Variants in ALAS1 observed in about 807,000 individuals in gnomAD.
The protein encoded by ALAS1 is 5-aminolevulinate synthase, non-specific, mitochondrial.
ALAS1 carries 29 observed loss-of-function variants against 59.6 expected under a neutral mutation model. That is an observed-to-expected ratio of 0.49 (90% CI 0.36 to 0.66). The LOEUF is 0.66. Ranked by LOEUF, ALAS1 falls within the 30% of genes least tolerant of loss-of-function variation. ALAS1 has a pLI of 0.00. For missense variants in ALAS1, 690 were observed against 807.5 expected, an observed-to-expected ratio of 0.85 and a Z score of 1.76; for synonymous variants, 299 against 296.6, an observed-to-expected ratio of 1.01 and a Z score of -0.08.
chr3:52,206,428 T>C, intron 7 of ALAS1, 144 bp from the exon 8 acceptor site: 1 of 926,516 alleles, frequency 1.1e-6, no homozygotes, highest in Non-Finnish European at 1.7e-6. Flanking sequence ...CTAGTTATTT[T>C]GCCAGGAAGA....
intron 11 of ALAS1, 80 bp from the exon 12 acceptor site, chr3:52,213,940 C>A: frequency 7.6e-7 from 1 of 1,323,792 alleles, no homozygotes; most frequent in Non-Finnish European, 1.0e-6. Context: ...CATTTGTGTA[C>A]AAGTTTTTGT....
In ALAS1 at chr3:52,206,663, T is replaced by G; in HGVS notation, c.1077T>G (p.Asn359Lys). Reference protein sequence around the residue: ...SRVPKYIFRHNDVSHLRELLQ... With the variant: ...SRVPKYIFRHKDVSHLRELLQ... ...TGCCAAAGTACATCTTCCGCCACAATGATGTCAGCCACCTCAGAGAACTGC... is the reference window on the plus strand; with the variant it reads ...TGCCAAAGTACATCTTCCGCCACAAGGATGTCAGCCACCTCAGAGAACTGC... The change falls in exon 8 of 12, where the codon AAT becomes AAG. Residue 359 changes from asparagine to lysine, a missense_variant. Coordinates refer to ENST00000484952, the MANE Select transcript of ALAS1 (RefSeq NM_000688.6). 2 of 1,614,172 alleles carry G rather than the reference T, an allele frequency of 1.2e-6. No homozygotes were observed. The highest frequency in any genetic ancestry group is 8.5e-7 in the Non-Finnish European group (1 of 1,180,032).
chr3:52,212,230 C>A, intron 10 of ALAS1, 28 bp from the exon 11 acceptor site: 1 of 1,604,972 alleles, frequency 6.2e-7, no homozygotes, highest in South Asian at 1.1e-5. Flanking sequence ...CCTGTTGTGA[C>A]CTTACCTTCT....
chr3:52,205,954 G>A lies in ALAS1; in HGVS notation c.916G>A (p.Ala306Thr), dbSNP rs140582251. The A allele has an allele frequency of 1.4e-4, 222 of 1,614,032 alleles. 1 individual carries two copies. In the Admixed American group the frequency reaches 3.1e-3, roughly 23 times the overall value. The part of the protein sequence containing the change: ...ELADLHGKDA[A>T]LLFSSCFVAN... ...GGCAGACCTCCATGGGAAAGATGCC[G>A]CACTCTTGTTTTCCTCGTGCTTTGT... The change falls in exon 7 of 12, where the codon GCA (alanine) becomes ACA (threonine). Residue 306 changes from alanine (A) to threonine (T), a missense_variant. By Grantham distance (58) the Ala-to-Thr change is moderately conservative. Transcript: ENST00000484952.
At position 52,205,998 on chromosome 3, in the gene ALAS1, C is replaced by T. The variant is rs555228065; in HGVS notation, c.960C>T (p.Leu320=). The T allele has an allele frequency of 5.0e-6, 8 of 1,611,928 alleles. No homozygotes were observed. Among genetic ancestry groups the T allele is most frequent in the South Asian group, 1.1e-5 (1 of 90,786 alleles). ...SSCFVANDST[L]FTLAKMMPGC... is the part of the protein sequence containing the mutation. ...GCTTTGTGGCCAATGACTCAACCCT[C>T]TTCACCCTGGCTAAGATGATGCCAG... The change falls in exon 7 of 12, where the codon CTC becomes CTT. Residue 320 remains leucine, a synonymous_variant. Coordinates refer to ENST00000484952, the MANE Select transcript of ALAS1 (RefSeq NM_000688.6).
rs775458397 is a variant in ALAS1, at chr3:52,206,720, T to G, written c.1134T>G (p.Ile378Met). 3 of 1,614,198 alleles carry G rather than the reference T, an allele frequency of 1.9e-6. No homozygotes were observed. Among genetic ancestry groups the G allele is most frequent in the East Asian group, 2.2e-5 (1 of 44,894 alleles). Reference protein sequence around the residue: ...LQRSDPSVPKIVAFETVHSMD... With the variant: ...LQRSDPSVPKMVAFETVHSMD... ...GATCTGACCCCTCAGTCCCCAAGAT[T>G]GTGGCATTTGAAACTGTCCATTCAA... is the stretch of plus-strand genomic sequence containing the variant. Residue 378 changes from isoleucine to methionine, a missense_variant, in exon 8 of 12, where the codon ATT becomes ATG. Transcript: ENST00000484952.
In ALAS1 at chr3:52,198,812, T is replaced by G; in HGVS notation, c.-69T>G. On this transcript the variant is annotated 5_prime_UTR_variant, in exon 2 of 12. Coordinates refer to ENST00000484952, the MANE Select transcript of ALAS1 (RefSeq NM_000688.6). ...AGTCAGGATCCCTAAGAGTCTTCCC[T>G]GCCTGGATGGATGAGTGGCTTCTTC... The G allele has an allele frequency of 6.5e-7, 1 of 1,535,700 alleles. No homozygotes were observed. Among genetic ancestry groups the G allele is most frequent in the Non-Finnish European group, 8.7e-7 (1 of 1,146,904 alleles).
At chr3:52,199,810 G>A (rs1699151748) in intron 3 of ALAS1, among the ~76,000 whole-genome samples, 1 of 151,994 alleles carries the variant, frequency 6.6e-6, no homozygotes, top group Admixed American at 6.6e-5. Context: ...TTTGGCCTTC[G>A]GCTTTTTATT....
At chr3:52,200,428 T>A (rs1298415633) in intron 3 of ALAS1, among the ~76,000 whole-genome samples, 1 of 152,210 alleles carries the variant, frequency 6.6e-6, no homozygotes, top group Non-Finnish European at 1.5e-5. Context: ...CAGTATTTAT[T>A]AGTGATTTTT....
chr3:52,212,635 G>C (rs761394856), intron 11 of ALAS1: 6 of 532,786 alleles, frequency 1.1e-5, no homozygotes, highest in Non-Finnish European at 2.0e-5. Flanking sequence ...AGGTTCAAGC[G>C]ATTCTCCTGC....
chr3:52,205,866 G>T lies in ALAS1; in HGVS notation c.828G>T (p.Gly276=). 1.2e-6 allele frequency: 2 copies of T among 1,613,846 alleles called. No individual in the cohort carries two copies. Among genetic ancestry groups the T allele is most frequent in the Non-Finnish European group, 1.7e-6 (2 of 1,179,860 alleles). ...ACACTTTGAAACAACATGGTGCTGGGGCAGGTGGTACTAGAAATATTTCTG... is the reference window on the plus strand; with the variant it reads ...ACACTTTGAAACAACATGGTGCTGGTGCAGGTGGTACTAGAAATATTTCTG... The part of the protein sequence containing the change: ...VMDTLKQHGA[G]AGGTRNISGT... The change falls in exon 7 of 12, where the codon GGG becomes GGT. Residue 276 remains glycine, a synonymous_variant. Coordinates refer to ENST00000484952, the MANE Select transcript of ALAS1 (RefSeq NM_000688.6).
In ALAS1 at chr3:52,204,829, C is replaced by T. The variant is rs769179705; in HGVS notation, c.714C>T (p.Ser238=). The change falls in exon 6 of 12, where the codon TCC becomes TCT. Residue 238 remains serine, a synonymous_variant. Transcript: ENST00000484952. ...IFPMADDYSD[S]LITKKQVSVW... is the part of the protein sequence containing the mutation. Reference sequence around the variant, plus strand: ...CCATGGCAGATGACTATTCAGACTCCCTCATCACCAAAAAGCAAGTGTCAG... The same window carrying T: ...CCATGGCAGATGACTATTCAGACTCTCTCATCACCAAAAAGCAAGTGTCAG... 10 of 1,614,074 alleles carry T rather than the reference C, an allele frequency of 6.2e-6. No individual in the cohort carries two copies. In the African/African-American group the frequency reaches 1.2e-4, roughly 19 times the overall value.
intron 1 of ALAS1, among the ~76,000 whole-genome samples, 166 bp from the exon 2 acceptor site, chr3:52,198,506 T>C (rs986895091): frequency 3.9e-5 from 6 of 152,126 alleles, no homozygotes; most frequent in African/African-American, 1.4e-4. Context: ...CCTCCCGTCA[T>C]TCTCGAGACC....
At chr3:52,209,336 T>C (rs535066749) in intron 9 of ALAS1, among the ~76,000 whole-genome samples, 18 of 152,256 alleles carry the variant, frequency 1.2e-4, no homozygotes, top group African/African-American at 3.1e-4. Context: ...GCCTCCCAAG[T>C]AGCTGGGACT....
chr3:52,213,949 G>A, intron 11 of ALAS1, 71 bp from the exon 12 acceptor site: 3 of 1,387,424 alleles, frequency 2.2e-6, no homozygotes, highest in Non-Finnish European at 3.0e-6. Flanking sequence ...ACAAGTTTTT[G>A]TGTGGACATA....
Position 52,212,416 on chromosome 3 carries a change from C to G in ALAS1, c.1758C>G (p.Phe586Leu), listed in dbSNP as rs1000521004. ...PHHTPQMMNY[F>L]LENLLVTWKQ... Reference sequence around the variant, plus strand: ...ACACACCCCAGATGATGAACTACTTCCTTGGTGAGTACCTGGGGAGCTGCT... The same window carrying G: ...ACACACCCCAGATGATGAACTACTTGCTTGGTGAGTACCTGGGGAGCTGCT... The change falls in exon 11 of 12, where the codon TTC (phenylalanine) becomes TTG (leucine). Residue 586 changes from phenylalanine (F) to leucine (L), a missense_variant. Coordinates refer to ENST00000484952, the MANE Select transcript of ALAS1 (RefSeq NM_000688.6). The G allele has an allele frequency of 1.2e-6, 2 of 1,613,846 alleles. No individual in the cohort carries two copies. The highest frequency in any genetic ancestry group is 1.7e-6 in the Non-Finnish European group (2 of 1,179,960).
At chr3:52,198,121 A>G (rs1036287840), upstream of ALAS1, 1 of 397,918 alleles carries the variant, frequency 2.5e-6, no homozygotes, top group Non-Finnish European at 4.4e-6. Context: ...CGCAGCGGTC[A>G]CTCCCGCTGT....
chr3:52,209,456 C>T (rs1699362035), intron 9 of ALAS1, among the ~76,000 whole-genome samples: 1 of 152,200 alleles, frequency 6.6e-6, no homozygotes, highest in Non-Finnish European at 1.5e-5. Flanking sequence ...ATCTGCCCGC[C>T]TCAGCCTCCC....
At position 52,198,173 on chromosome 3, in the gene ALAS1, A is replaced by G. The variant is rs962760891; in HGVS notation, c.-292A>G. On this transcript the variant is annotated 5_prime_UTR_variant, in exon 1 of 12. Coordinates refer to ENST00000484952, the MANE Select transcript of ALAS1 (RefSeq NM_000688.6). ...GATCGCGGCCTGAGGCTGCTCCCGG[A>G]CAAGGGCAACGAGCGTTTCGTTTGG... The G allele has an allele frequency of 2.8e-5, 11 of 398,486 alleles. No individual in the cohort carries two copies. Among genetic ancestry groups the G allele is most frequent in the Non-Finnish European group, 4.9e-5 (11 of 225,976 alleles). The allele number at this position is 398,486 out of a possible 1,614,324, so 24.7% of individuals were successfully genotyped here.
Sources: gnomAD v4.1 joint callset for allele counts (sites outside exome capture counted in the v4.1 genomes callset) on GRCh38, gnomAD v4.1.1 for gene constraint, MANE v1.5 for transcripts, NCBI Gene and HGNC (gene_info 2026-07-23, HGNC 2026-07-21) for gene names.